The following NAV2 variants were observed in gnomAD, a reference collection of about 807,000 sequenced individuals.
The protein encoded by NAV2 is neuron navigator 2.
Under a neutral mutation model 223.2 loss-of-function variants are expected in NAV2, and 54 were observed. The observed-to-expected ratio is 0.24, with a 90% CI of 0.19 to 0.30. The LOEUF (loss-of-function observed/expected upper bound fraction) is 0.30. Ranked by LOEUF, NAV2 falls within the 10% of genes least tolerant of loss-of-function variation. NAV2 has a pLI of 1.00. For missense variants in NAV2, 2,806 were observed against 3,147.5 expected (o/e 0.89, Z 2.60); for synonymous variants, 1,279 against 1,239.3 (o/e 1.03, Z -0.67).
At chr11:19,489,242 C>T (rs2134060206) in intron 1 of NAV2, among the ~76,000 whole-genome samples, 1 of 152,330 alleles carries the variant, frequency 6.6e-6, no homozygotes, top group Admixed American at 6.5e-5. Flanking sequence ...ATTGAAGCCG[C>T]ATCTGCAAAT....
intron 1 of NAV2, among the ~76,000 whole-genome samples, chr11:19,364,643 G>GT (rs1395412535): frequency 2.0e-5 from 3 of 152,180 alleles, no homozygotes; most frequent in African/African-American, 7.2e-5. Flanking sequence ...CCTGAACACA[G>GT]TGGGTCATCA....
At chr11:20,026,884 CAT>C (rs1254850166) in intron 11 of NAV2, among the ~76,000 whole-genome samples, 4 of 152,164 alleles carry the variant, frequency 2.6e-5, no homozygotes, top group African/African-American at 4.8e-5. Flanking sequence ...ACTGGGAGAA[CAT>C]ATGTTACATA....
chr11:20,005,238 C>CGT (rs2052928686), intron 11 of NAV2, among the ~76,000 whole-genome samples: 1 of 80,882 alleles, frequency 1.2e-5, no homozygotes, highest in Non-Finnish European at 3.3e-5. Flanking sequence ...GAGTTTTAAT[C>CGT]ATATATATAT....
intron 1 of NAV2, among the ~76,000 whole-genome samples, chr11:19,403,291 G>T (rs1350143217): frequency 6.6e-6 from 1 of 152,160 alleles, no homozygotes; most frequent in Non-Finnish European, 1.5e-5. Flanking sequence ...CACTTTTCTG[G>T]AGTGGAGGTC....
At chr11:19,549,463 A>G (rs1194543042) in intron 1 of NAV2, among the ~76,000 whole-genome samples, 1 of 152,176 alleles carries the variant, frequency 6.6e-6, no homozygotes, top group African/African-American at 2.4e-5. Flanking sequence ...CAGGAGCTTG[A>G]GGGTTCACCC....
intron 1 of NAV2, among the ~76,000 whole-genome samples, chr11:19,550,536 A>T (rs2044656496): frequency 1.3e-5 from 2 of 152,220 alleles, no homozygotes; most frequent in African/African-American, 4.8e-5. Flanking sequence ...TCTGGAGCAG[A>T]GATTGGAGCT....
chr11:19,448,175 G>A (rs374472354), intron 1 of NAV2, among the ~76,000 whole-genome samples: 1 of 149,032 alleles, frequency 6.7e-6, no homozygotes, highest in East Asian at 2.0e-4. Context: ...CACTCCCCCT[G>A]AATTCTTCCT....
chr11:19,708,522 C>A (rs1002239708), upstream of NAV2, among the ~76,000 whole-genome samples: 14 of 152,050 alleles, frequency 9.2e-5, no homozygotes, highest in Non-Finnish European at 1.5e-5. Context: ...ACCGGACTGT[C>A]TTCTTGGGAG....
At chr11:19,534,282 C>T (rs918940876) in intron 1 of NAV2, among the ~76,000 whole-genome samples, 7 of 152,272 alleles carry the variant, frequency 4.6e-5, no homozygotes, top group African/African-American at 1.7e-4. Flanking sequence ...TCAGAGGGCA[C>T]GGACCTGATC....
intron 1 of NAV2, among the ~76,000 whole-genome samples, chr11:19,683,300 C>T (rs968599617): frequency 3.9e-5 from 6 of 152,104 alleles, no homozygotes; most frequent in African/African-American, 7.2e-5. Context: ...TCAGGGGTTG[C>T]GGGGTGTAAC....
intron 1 of NAV2, among the ~76,000 whole-genome samples, chr11:19,699,480 G>C (rs2049448012): frequency 6.6e-6 from 1 of 152,136 alleles, no homozygotes; most frequent in South Asian, 2.1e-4. Context: ...GAGTCAGAAA[G>C]ATACCAGTAT....
chr11:19,789,983 A>G (rs2057405644), intron 1 of NAV2, among the ~76,000 whole-genome samples: 1 of 152,220 alleles, frequency 6.6e-6, no homozygotes, highest in Non-Finnish European at 1.5e-5. Flanking sequence ...AAAATGCTTT[A>G]TGACCATTTT....
intron 1 of NAV2, among the ~76,000 whole-genome samples, chr11:19,817,786 T>G (rs1435124122): frequency 1.3e-5 from 2 of 152,198 alleles, no homozygotes; most frequent in African/African-American, 4.8e-5. Flanking sequence ...GGGGAGTAAC[T>G]GAACCTTGGC....
At chr11:20,117,867 C>A (rs1399009303) in intron 37 of NAV2, among the ~76,000 whole-genome samples, 1 of 152,200 alleles carries the variant, frequency 6.6e-6, no homozygotes, top group East Asian at 1.9e-4. Context: ...CATTATAGGG[C>A]AGGTACTATT....
chr11:19,689,178 G>A (rs2049100748), intron 1 of NAV2, among the ~76,000 whole-genome samples: 1 of 152,204 alleles, frequency 6.6e-6, no homozygotes. Context: ...GTGTGACAAT[G>A]CTGGGACAGA....
chr11:19,476,200 C>T (rs577637858), intron 1 of NAV2, among the ~76,000 whole-genome samples: 1 of 152,288 alleles, frequency 6.6e-6, no homozygotes, highest in African/African-American at 2.4e-5. Context: ...GTCTCGATCT[C>T]TTGACCTTGT....
chr11:19,842,968 C>T (rs543224562), intron 3 of NAV2, 45 bp downstream of exon 3: 3 of 1,531,584 alleles, frequency 2.0e-6, no homozygotes, highest in African/African-American at 1.4e-5. Flanking sequence ...TGTCAGCAAG[C>T]CCTGCCTCTA....
intron 1 of NAV2, among the ~76,000 whole-genome samples, chr11:19,723,417 TTC>T (rs567611338): frequency 2.0e-5 from 3 of 152,298 alleles, no homozygotes; most frequent in Non-Finnish European, 2.9e-5. Flanking sequence ...ACTGAGGTCT[TTC>T]TGATTCCCAA....
chr11:20,008,307 G>A (rs1334340346), intron 11 of NAV2, among the ~76,000 whole-genome samples: 2 of 152,056 alleles, frequency 1.3e-5, no homozygotes, highest in African/African-American at 4.8e-5. Context: ...GCAATGAGCC[G>A]AGATCGCACC....
Sources: gnomAD v4.1 joint callset for allele counts (sites outside exome capture counted in the v4.1 genomes callset) on GRCh38, gnomAD v4.1.1 for gene constraint, MANE v1.5 for transcripts, NCBI Gene and HGNC (gene_info 2026-07-23, HGNC 2026-07-21) for gene names.